TXNL1: variants seen among roughly 807,000 people sequenced by gnomAD.
TXNL1 encodes thioredoxin-like protein 1.
A neutral mutation model predicts 35.5 loss-of-function variants in TXNL1; 14 were observed. The ratio of observed to expected loss-of-function variants is 0.39; its 90% CI spans 0.26 to 0.62. The LOEUF (loss-of-function observed/expected upper bound fraction) is 0.62, where lower values mean the gene tolerates loss of function less well. Ranked by LOEUF, TXNL1 falls within the 20% of genes least tolerant of loss-of-function variation. The pLI is 0.47. For synonymous variants in TXNL1, 110 were observed against 115.5 expected (o/e 0.95, Z 0.31); for missense variants, 263 against 349.7 (o/e 0.75, Z 1.98).
At chr18:56,616,515 T>C (rs963400177) in intron 4 of TXNL1, among the ~76,000 whole-genome samples, 5 of 152,124 alleles carry the variant, frequency 3.3e-5, no homozygotes, top group African/African-American at 1.2e-4. Flanking sequence ...TAGTTATGTA[T>C]ATAAGGGAAT....
intron 1 of TXNL1, among the ~76,000 whole-genome samples, chr18:56,630,401 G>A (rs1388544126): frequency 1.3e-5 from 2 of 152,188 alleles, no homozygotes; most frequent in East Asian, 3.8e-4. Flanking sequence ...AGGGACAGGA[G>A]AAAATGCAAC....
intron 2 of TXNL1, 169 bp downstream of exon 2, chr18:56,626,192 T>C: frequency 1.5e-6 from 2 of 1,353,134 alleles, no homozygotes; most frequent in Non-Finnish European, 1.9e-6. Context: ...CTACTCTTCT[T>C]AACTAATGCA....
At chr18:56,608,628 T>G (rs1051316620) in intron 7 of TXNL1, 4 of 152,186 alleles carry the variant, frequency 2.6e-5, no homozygotes, top group African/African-American at 9.7e-5. Flanking sequence ...TTTTAGACTC[T>G]TATTCTCTTC....
At chr18:56,620,496 C>T (rs1444721426) in intron 3 of TXNL1, among the ~76,000 whole-genome samples, 1 of 152,140 alleles carries the variant, frequency 6.6e-6, no homozygotes, top group Admixed American at 6.5e-5. Flanking sequence ...GCAACATTTA[C>T]CTGTAAAGTC....
intron 1 of TXNL1, among the ~76,000 whole-genome samples, chr18:56,635,269 A>G (rs1238681431): frequency 6.6e-6 from 1 of 152,130 alleles, no homozygotes; most frequent in Non-Finnish European, 1.5e-5. Flanking sequence ...AACAAATAAG[A>G]AAAAAGAAAA....
rs781172350 is a variant in TXNL1 at position 56,602,988 on chromosome 18, G to A, written c.*39C>T. 1 of 1,607,390 alleles carries A rather than the reference G, an allele frequency of 6.2e-7. No homozygotes were observed. Among genetic ancestry groups the A allele is most frequent in the South Asian group, 1.1e-5 (1 of 90,898 alleles). On this transcript the variant is annotated 3_prime_UTR_variant, in exon 8 of 8. Transcript: ENST00000217515. ...ATCAAGCAATTATCCAGGAGCTGTA[G>A]ATCTGATTGCAATATGGTTGTCCAG...
rs181849467 is a variant in TXNL1 at position 56,626,126 on chromosome 18, G to A, written c.195+235C>T. 1.4e-5 allele frequency: 16 copies of A among 1,131,494 alleles called. No homozygotes were observed. The Admixed American group carries it at 4.0e-4, about 28-fold the overall frequency. 70.1% of individuals were successfully genotyped at this position (1,131,494 alleles called of 1,614,324 possible). On this transcript the variant is annotated intron_variant, in intron 2 of 7. Transcript: ENST00000217515. Reference sequence around the variant, plus strand: ...TGCTAGGTGACCTATTAACAACATCGTATTAATTTTATATCAGAAGGTGAT... The same window carrying A: ...TGCTAGGTGACCTATTAACAACATCATATTAATTTTATATCAGAAGGTGAT...
chr18:56,620,135 C>T (rs1398601108), intron 3 of TXNL1, among the ~76,000 whole-genome samples: 1 of 151,902 alleles, frequency 6.6e-6, no homozygotes, highest in Non-Finnish European at 1.5e-5. Context: ...TGTCTGGCTA[C>T]TTTTTGTATT....
chr18:56,601,242 G>A lies in TXNL1; in HGVS notation c.*1785C>T, dbSNP rs2023807101. The A allele has an allele frequency of 1.3e-5, 2 of 152,104 alleles. No individual in the cohort carries two copies. Among genetic ancestry groups the A allele is most frequent in the African/African-American group, 2.4e-5 (1 of 41,408 alleles). 9.4% of individuals were successfully genotyped at this position (152,104 alleles called of 1,614,324 possible). ...TGAAACGTTATAGTTACCTATAAAC[G>A]TTCATTTTTCACTATTTACAATTTG... On this transcript the variant is annotated 3_prime_UTR_variant, in exon 8 of 8. Coordinates refer to ENST00000217515, the MANE Select transcript of TXNL1 (RefSeq NM_004786.3).
intron 3 of TXNL1, among the ~76,000 whole-genome samples, chr18:56,620,915 T>C (rs888832724): frequency 6.6e-6 from 1 of 152,172 alleles, no homozygotes; most frequent in Non-Finnish European, 1.5e-5. Flanking sequence ...GTATAGCCAA[T>C]TTAAAAGATG....
intron 1 of TXNL1, among the ~76,000 whole-genome samples, chr18:56,633,509 C>T (rs1013097761): frequency 6.8e-6 from 1 of 147,624 alleles, no homozygotes; most frequent in Non-Finnish European, 1.5e-5. Flanking sequence ...GTTCCGATTA[C>T]TGCTGGGGCT....
intron 5 of TXNL1, among the ~76,000 whole-genome samples, chr18:56,615,029 T>G (rs1429096541): frequency 6.6e-6 from 1 of 152,220 alleles, no homozygotes; most frequent in East Asian, 1.9e-4. Flanking sequence ...TTGCCAATAG[T>G]TGGTACATTC....
chr18:56,615,107 A>G (rs891147716), intron 5 of TXNL1, among the ~76,000 whole-genome samples: 1 of 152,180 alleles, frequency 6.6e-6, no homozygotes, highest in Non-Finnish European at 1.5e-5. Context: ...AAAATTGCCA[A>G]ATTTCATTTT....
intron 7 of TXNL1, among the ~76,000 whole-genome samples, chr18:56,603,918 G>A (rs182422094): frequency 2.0e-5 from 3 of 152,114 alleles, no homozygotes; most frequent in South Asian, 2.1e-4. Context: ...TTTAATTTTC[G>A]TATTTTACAT....
At chr18:56,627,189 G>A (rs2024299797) in intron 1 of TXNL1, among the ~76,000 whole-genome samples, 1 of 152,010 alleles carries the variant, frequency 6.6e-6, no homozygotes, top group African/African-American at 2.4e-5. Flanking sequence ...GAGCCCAGAT[G>A]TTACATTTAG....
chr18:56,611,612 G>A (rs1269754397), intron 6 of TXNL1, among the ~76,000 whole-genome samples: 1 of 152,094 alleles, frequency 6.6e-6, no homozygotes, highest in African/African-American at 2.4e-5. Context: ...ACTTTCTCCA[G>A]AGATGTCATG....
At chr18:56,606,180 T>C (rs931672447) in intron 7 of TXNL1, among the ~76,000 whole-genome samples, 1 of 152,054 alleles carries the variant, frequency 6.6e-6, no homozygotes, top group African/African-American at 2.4e-5. Flanking sequence ...ATCGAGACCA[T>C]CCTGGCTAAC....
Position 56,626,294 on chromosome 18 carries a change from A to ATATTAATG in TXNL1, c.195+59_195+66dup, listed in dbSNP as rs777882109. On this transcript the variant is annotated intron_variant, in intron 2 of 7. Transcript: ENST00000217515. ...ATGTGCATCAAGAGATAAATGAAGA[A>ATATTAATG]TATTAATGTTGGATTTCAAATTTAT... The ATATTAATG allele has an allele frequency of 3.2e-6, 5 of 1,560,686 alleles. No homozygotes were observed. The East Asian group carries it at 1.1e-4, about 35-fold the overall frequency.
intron 7 of TXNL1, among the ~76,000 whole-genome samples, chr18:56,607,760 G>A (rs1449784209): frequency 6.6e-6 from 1 of 152,112 alleles, no homozygotes; most frequent in Non-Finnish European, 1.5e-5. Context: ...GAAGGCTGAG[G>A]CAGGAGAATC....
Sources: allele counts gnomAD v4.1 joint callset (sites outside exome capture counted in the v4.1 genomes callset), GRCh38; gene constraint gnomAD v4.1.1; transcripts MANE v1.5; gene names NCBI Gene and HGNC (gene_info 2026-07-23, HGNC 2026-07-21).